Variants in TRIM33 observed in about 807,000 individuals in gnomAD.
TRIM33 encodes E3 ubiquitin-protein ligase TRIM33.
TRIM33 carries 20 observed loss-of-function variants against 125.4 expected under a neutral mutation model. The ratio of observed to expected loss-of-function variants is 0.16; its 90% CI spans 0.11 to 0.23. TRIM33 has a LOEUF of 0.23. TRIM33 is among the 10% of genes least tolerant of loss of function. TRIM33 has a pLI of 1.00. For missense variants in TRIM33, 920 were observed against 1,411.4 expected (o/e 0.65, Z 5.58); for synonymous variants, 564 against 513.9 (o/e 1.10, Z -1.32).
In TRIM33 at chr1:114,510,843, A is replaced by C; in HGVS notation, c.234T>G (p.Ala78=). The change falls in exon 1 of 20, where the codon GCT becomes GCG. Residue 78 remains alanine (A), a synonymous_variant. Coordinates refer to ENST00000358465, the MANE Select transcript of TRIM33 (RefSeq NM_015906.4). ...AAASSGSAQA[A]SSPAASVGTG... ...TGCCCACTGAGGCCGCAGGAGATGA[A>C]GCAGCCTGGGCCGAGCCCGAGGAGG... The C allele has an allele frequency of 6.6e-7, 1 of 1,516,540 alleles. No homozygotes were observed. Among genetic ancestry groups the C allele is most frequent in the East Asian group, 2.6e-5 (1 of 38,674 alleles). 93.9% of individuals were successfully genotyped at this position (1,516,540 alleles called of 1,614,324 possible). A position where few individuals can be genotyped will look rare whatever the true frequency, so the allele number is the denominator to read the frequency against.
At chr1:114,478,322 C>T (rs939172991) in intron 1 of TRIM33, among the ~76,000 whole-genome samples, 3 of 152,090 alleles carry the variant, frequency 2.0e-5, no homozygotes, top group African/African-American at 7.2e-5. Flanking sequence ...GAGGTGAATG[C>T]GAAAACATGA....
In TRIM33 at chr1:114,401,917, T is replaced by C. The variant is rs527698506; in HGVS notation, c.2893-454A>G. Among the ~76,000 whole-genome samples the C allele has an allele frequency of 5.3e-5, 8 of 152,310 alleles. No individual in the cohort carries two copies. The East Asian group carries it at 1.5e-3, about 29-fold the overall frequency. ...CCTTCTCAGTCTAACTCCAAAAATA[T>C]TTTTTTACCCAATCATGAGTAAACT... On this transcript the variant is annotated intron_variant, in intron 16 of 19. Coordinates refer to ENST00000358465, the MANE Select transcript of TRIM33 (RefSeq NM_015906.4).
At chr1:114,464,534 C>A in intron 1 of TRIM33, 146 bp from the exon 2 acceptor site, 1 of 471,222 alleles carries the variant, frequency 2.1e-6, no homozygotes, top group Non-Finnish European at 3.8e-6. Context: ...GCGAGTTATT[C>A]CATTTGGGTA....
rs1284421441 is a variant in TRIM33, at chr1:114,427,698, A to G, written c.1302+50T>C. The G allele has an allele frequency of 3.8e-6, 6 of 1,565,034 alleles. No homozygotes were observed. In the Admixed American group the frequency reaches 7.1e-5, roughly 18 times the overall value. ...TAAACAGGTGCAATTCACTGAATATATATCTTAATAAAGTCCATTAAAGAA... is the reference window on the plus strand; with the variant it reads ...TAAACAGGTGCAATTCACTGAATATGTATCTTAATAAAGTCCATTAAAGAA... On this transcript the variant is annotated intron_variant, in intron 7 of 19. Transcript: ENST00000358465.
In TRIM33 at chr1:114,393,324, C is replaced by A; in HGVS notation, c.*4324G>T. The A allele has an allele frequency of 5.0e-6, 1 of 199,490 alleles. No homozygotes were observed. Among genetic ancestry groups the A allele is most frequent in the Non-Finnish European group, 1.0e-5 (1 of 96,576 alleles). 12.4% of individuals were successfully genotyped at this position (199,490 alleles called of 1,614,324 possible). A position where few individuals can be genotyped will look rare whatever the true frequency, so the allele number is the denominator to read the frequency against. The stretch of plus-strand genomic sequence containing the variant: ...TAGTAGATGCCTACATTTTTCAGAA[C>A]AAGGAGCAGACATGCATTCCATCCT... On this transcript the variant is annotated 3_prime_UTR_variant, in exon 20 of 20. Transcript: ENST00000358465.
chr1:114,447,701 T>G (rs767666478), intron 4 of TRIM33, among the ~76,000 whole-genome samples: 3 of 151,928 alleles, frequency 2.0e-5, no homozygotes, highest in Non-Finnish European at 4.4e-5. Context: ...GCAAATGAGA[T>G]TGAGAAAAAG....
intron 4 of TRIM33, among the ~76,000 whole-genome samples, chr1:114,439,299 C>A (rs1648499488): frequency 6.7e-6 from 1 of 148,300 alleles, no homozygotes; most frequent in Admixed American, 6.7e-5. Flanking sequence ...TGGTGAAACC[C>A]CGTCTCTACT....
chr1:114,510,130 A>G (rs1273783773), intron 1 of TRIM33, among the ~76,000 whole-genome samples: 2 of 151,922 alleles, frequency 1.3e-5, no homozygotes. Flanking sequence ...CCCTCCCTCC[A>G]AAGCAATCCA....
Position 114,410,228 on chromosome 1 carries a change from A to G in TRIM33, c.2150T>C (p.Met717Thr), listed in dbSNP as rs754154126. The change falls in exon 12 of 20, where the codon ATG becomes ACG. Residue 717 changes from methionine to threonine, a missense_variant. Transcript: ENST00000358465. ...GGCAGAGGGACCTGGAGAAGGATTC[A>G]TGGTGCTTGTAGGCTGTGGGGGTAG... ...SHLPPQPTST[M>T]NPSPGPSALS... The G allele has an allele frequency of 1.1e-5, 18 of 1,614,064 alleles. No individual in the cohort carries two copies. Among genetic ancestry groups the G allele is most frequent in the Non-Finnish European group, 1.4e-5 (16 of 1,179,970 alleles).
At position 114,393,372 on chromosome 1, in the gene TRIM33, C is replaced by A. The variant is rs1651380690; in HGVS notation, c.*4276G>T. The stretch of plus-strand genomic sequence containing the variant: ...CCTTAAGATTGAAATTTAGGCCACA[C>A]TTGAAAGGGAATATTGCAGTGGCAC... On this transcript the variant is annotated 3_prime_UTR_variant, in exon 20 of 20. Transcript: ENST00000358465. The A allele has an allele frequency of 1.0e-5, 2 of 200,694 alleles. No individual in the cohort carries two copies. The highest frequency in any genetic ancestry group is 1.2e-4 in the Admixed American group (2 of 16,594). 12.4% of individuals were successfully genotyped at this position (200,694 alleles called of 1,614,324 possible). A position where few individuals can be genotyped will look rare whatever the true frequency, so the allele number is the denominator to read the frequency against.
At chr1:114,411,213 GT>G (rs776847052) in intron 11 of TRIM33, among the ~76,000 whole-genome samples, 4 of 151,592 alleles carry the variant, frequency 2.6e-5, no homozygotes, top group Admixed American at 6.6e-5. Context: ...GCTAATTTTT[GT>G]GTTTTTTTTT....
At chr1:114,491,659 CT>C (rs1652074867) in intron 1 of TRIM33, among the ~76,000 whole-genome samples, 1 of 151,924 alleles carries the variant, frequency 6.6e-6, no homozygotes, top group South Asian at 2.1e-4. Flanking sequence ...AAAAAATTAG[CT>C]GGGTGTGGTA....
Position 114,397,598 on chromosome 1 carries a change from T to A in TRIM33, c.*50A>T. ...TTTCTGGGTTTTTTGTGTTTTTTTT[T>A]TTTTTTTCGTTTTTTTTTTTTTAAA... On this transcript the variant is annotated 3_prime_UTR_variant, in exon 20 of 20. Coordinates refer to ENST00000358465, the MANE Select transcript of TRIM33 (RefSeq NM_015906.4). 9.3e-7 allele frequency: 1 copy of A among 1,075,446 alleles called. No individual in the cohort carries two copies. The allele number at this position is 1,075,446 out of a possible 1,614,324, so 66.6% of individuals were successfully genotyped here.
At chr1:114,458,534 T>G (rs1245514748) in intron 4 of TRIM33, among the ~76,000 whole-genome samples, 1 of 152,138 alleles carries the variant, frequency 6.6e-6, no homozygotes, top group African/African-American at 2.4e-5. Context: ...CTCTATGATT[T>G]CATCCCTGAC....
chr1:114,501,455 T>A (rs1652712083), intron 1 of TRIM33, among the ~76,000 whole-genome samples: 1 of 152,142 alleles, frequency 6.6e-6, no homozygotes, highest in Non-Finnish European at 1.5e-5. Flanking sequence ...TGACAGCTGT[T>A]TTTCACCCAG....
At chr1:114,398,420 A>G in intron 18 of TRIM33, among the ~76,000 whole-genome samples, 1 of 152,226 alleles carries the variant, frequency 6.6e-6, no homozygotes, top group East Asian at 1.9e-4. Flanking sequence ...GGGTCTTCTT[A>G]TCAACTATAG....
At chr1:114,405,237 C>T in intron 15 of TRIM33, 173 bp downstream of exon 15, 1 of 582,004 alleles carries the variant, frequency 1.7e-6, no homozygotes, top group Admixed American at 3.3e-5. Flanking sequence ...CTACTTAGAT[C>T]TTAGATATTT....
At chr1:114,509,508 C>T (rs1231923873) in intron 1 of TRIM33, among the ~76,000 whole-genome samples, 1 of 152,176 alleles carries the variant, frequency 6.6e-6, no homozygotes, top group Non-Finnish European at 1.5e-5. Context: ...GAAGTCCTTA[C>T]ACCTGGATCC....
At chr1:114,427,604 G>C in intron 7 of TRIM33, 144 bp downstream of exon 7, 2 of 763,068 alleles carry the variant, frequency 2.6e-6, no homozygotes, top group East Asian at 2.8e-5. Flanking sequence ...GAAACTTTGG[G>C]GGGTGGTGGA....
Sources: gnomAD v4.1 joint callset for allele counts (sites outside exome capture counted in the v4.1 genomes callset) on GRCh38, gnomAD v4.1.1 for gene constraint, MANE v1.5 for transcripts, NCBI Gene and HGNC (gene_info 2026-07-23, HGNC 2026-07-21) for gene names.